Variants in MAPKAPK5 observed in about 807,000 individuals in gnomAD.
MAPKAPK5 encodes MAPK activated protein kinase 5, also known as MAP kinase-activated protein kinase 5.
MAPKAPK5 carries 30 observed loss-of-function variants against 65.1 expected under a neutral mutation model. The ratio of observed to expected loss-of-function variants is 0.46; its 90% CI spans 0.34 to 0.63. The LOEUF is 0.63. Ranked by LOEUF, MAPKAPK5 falls within the 20% of genes least tolerant of loss-of-function variation. The pLI is 0.01. For synonymous variants in MAPKAPK5, 179 were observed against 204.6 expected, an observed-to-expected ratio of 0.87 and a Z score of 1.07; for missense variants, 433 against 581.4, an observed-to-expected ratio of 0.74 and a Z score of 2.63.
intron 7 of MAPKAPK5, 124 bp from the exon 8 acceptor site, chr12:111,880,323 G>GT (rs1280710415): frequency 6.2e-5 from 48 of 774,968 alleles, no homozygotes; most frequent in Non-Finnish European, 7.7e-5. Flanking sequence ...TTTATGTGGA[G>GT]TTTTTTTTCG....
At chr12:111,855,686 G>C in intron 1 of MAPKAPK5, among the ~76,000 whole-genome samples, 1 of 151,808 alleles carries the variant, frequency 6.6e-6, no homozygotes, top group Admixed American at 6.6e-5. Context: ...AATTAGCTGG[G>C]CATGGTGGTG....
chr12:111,884,769 A>G (rs2070349995), intron 9 of MAPKAPK5, among the ~76,000 whole-genome samples: 1 of 152,038 alleles, frequency 6.6e-6, no homozygotes. Flanking sequence ...TTCCTCTATA[A>G]TGGGATGAAG....
chr12:111,870,459 T>C, intron 6 of MAPKAPK5, 99 bp downstream of exon 6: 1 of 888,876 alleles, frequency 1.1e-6, no homozygotes, highest in Admixed American at 2.4e-5. Flanking sequence ...GAAAAAGCTT[T>C]AAGCCAAAGT....
At position 111,871,231 on chromosome 12, in the gene MAPKAPK5, A is replaced by G. The variant is rs2069772383; in HGVS notation, c.579+51A>G. On this transcript the variant is annotated intron_variant, in intron 7 of 13. Transcript: ENST00000550735. ...AGATCTGTCACCAAGCTGCCCATCA[A>G]CTCGTGTTCCTTCTATTCTACAGCA... The G allele has an allele frequency of 2.7e-6, 4 of 1,467,116 alleles. No homozygotes were observed. The South Asian group carries it at 4.7e-5, about 17-fold the overall frequency. 90.9% of individuals were successfully genotyped at this position (1,467,116 alleles called of 1,614,324 possible).
chr12:111,883,385 A>G lies in MAPKAPK5; in HGVS notation c.661-196A>G, dbSNP rs181359698. Among the ~76,000 whole-genome samples the G allele has an allele frequency of 4.6e-5, 7 of 152,166 alleles. No homozygotes were observed. In the East Asian group the frequency reaches 1.2e-3, roughly 25 times the overall value. On this transcript the variant is annotated intron_variant, in intron 8 of 13. Coordinates refer to ENST00000550735, the MANE Select transcript of MAPKAPK5 (RefSeq NM_003668.4). The surrounding 1 kb of genome is among the most constrained non-coding windows in gnomAD (Gnocchi z 4.8). ...ACAGAGCAAGACTCTGTCTCAAAGA[A>G]AAAAAAAGAAAGAAAGAAAATATGG...
chr12:111,846,625 A>G (rs1466286984), intron 1 of MAPKAPK5, among the ~76,000 whole-genome samples: 1 of 151,312 alleles, frequency 6.6e-6, no homozygotes, highest in Non-Finnish European at 1.5e-5. Context: ...CCTCCCGAGT[A>G]GTAGCTGGGA....
chr12:111,863,420 G>A (rs1162515243), intron 1 of MAPKAPK5, among the ~76,000 whole-genome samples: 1 of 152,088 alleles, frequency 6.6e-6, no homozygotes, highest in Non-Finnish European at 1.5e-5. Flanking sequence ...TTCCAAGCCT[G>A]GCACATTCAC....
chr12:111,878,881 A>G (rs996339095), intron 7 of MAPKAPK5, among the ~76,000 whole-genome samples: 16 of 152,302 alleles, frequency 1.1e-4, no homozygotes, highest in East Asian at 5.8e-4. Flanking sequence ...CTCTTTATCT[A>G]TCTTTACCCC....
intron 3 of MAPKAPK5, 90 bp from the exon 4 acceptor site, chr12:111,867,482 G>A (rs888844666): frequency 4.9e-6 from 4 of 824,330 alleles, no homozygotes; most frequent in African/African-American, 3.4e-5. Flanking sequence ...AGTTTTTATT[G>A]TAATTAGCTT....
rs755557139 is a variant in MAPKAPK5, at chr12:111,888,891, G to A, written c.1107G>A (p.Lys369=). 1.9e-6 allele frequency: 3 copies of A among 1,613,802 alleles called. No individual in the cohort carries two copies. Among genetic ancestry groups the A allele is most frequent in the Non-Finnish European group, 2.5e-6 (3 of 1,179,822 alleles). ...ILRKRKLLGT[K]PKDSVYIHDH... ...CTCCCTCAAACTCTTAAAGCACCAA[G>A]CCAAAGGACAGTGTCTATATCCACG... is the stretch of plus-strand genomic sequence containing the variant. The change falls in exon 12 of 14, where the codon AAG becomes AAA. Residue 369 remains lysine, a synonymous_variant. Transcript: ENST00000550735.
At position 111,900,913 on chromosome 12, in the gene MAPKAPK5, C is replaced by G; in HGVS notation, c.*7852C>G. ...CAATTATATGGATATGGTGCAAAATCAGCCTCACAAGAGTGTTACAATTCA... is the reference window on the plus strand; with the variant it reads ...CAATTATATGGATATGGTGCAAAATGAGCCTCACAAGAGTGTTACAATTCA... On this transcript the variant is annotated 3_prime_UTR_variant, in exon 14 of 14. Coordinates refer to ENST00000550735, the MANE Select transcript of MAPKAPK5 (RefSeq NM_003668.4). 1 of 452,938 alleles carries G rather than the reference C, an allele frequency of 2.2e-6. No homozygotes were observed. Among genetic ancestry groups the G allele is most frequent in the South Asian group, 1.6e-5 (1 of 64,444 alleles). The allele number at this position is 452,938 out of a possible 1,614,324, so 28.1% of individuals were successfully genotyped here. A position where few individuals can be genotyped will look rare whatever the true frequency, so the allele number is the denominator to read the frequency against.
At chr12:111,856,780 T>G (rs189889760) in intron 1 of MAPKAPK5, among the ~76,000 whole-genome samples, 86 of 152,274 alleles carry the variant, frequency 5.6e-4, no homozygotes, top group African/African-American at 1.9e-3. Context: ...AAATACAGTG[T>G]TGTAGTTATT....
intron 8 of MAPKAPK5, 126 bp downstream of exon 8, chr12:111,880,653 C>T (rs192189379): frequency 4.1e-6 from 3 of 740,660 alleles, no homozygotes; most frequent in Admixed American, 4.6e-5. Context: ...CCCAAAGAAG[C>T]AGCCAGACTC....
intron 6 of MAPKAPK5, among the ~76,000 whole-genome samples, chr12:111,870,579 G>T (rs192844846): frequency 6.6e-6 from 1 of 152,234 alleles, no homozygotes; most frequent in Non-Finnish European, 1.5e-5. Flanking sequence ...ATGTATTTGT[G>T]GGACTTAATG....
chr12:111,892,111 A>T (rs1199651054), intron 13 of MAPKAPK5, among the ~76,000 whole-genome samples: 1 of 152,128 alleles, frequency 6.6e-6, no homozygotes, highest in African/African-American at 2.4e-5. Flanking sequence ...TTTAGTCATT[A>T]TATTTGTGAC....
intron 12 of MAPKAPK5, chr12:111,889,684 G>T (rs1009790809): frequency 4.7e-6 from 1 of 213,548 alleles, no homozygotes; most frequent in South Asian, 8.5e-5. Flanking sequence ...GCTTTCTAAA[G>T]TAAGAAATGA....
rs1449208573 is a variant in MAPKAPK5, at chr12:111,900,796, C to T, written c.*7735C>T. The T allele has an allele frequency of 4.4e-6, 2 of 456,068 alleles. No individual in the cohort carries two copies. The highest frequency in any genetic ancestry group is 8.8e-6 in the Non-Finnish European group (2 of 226,814). The allele number at this position is 456,068 out of a possible 1,614,324, so 28.3% of individuals were successfully genotyped here. On this transcript the variant is annotated 3_prime_UTR_variant, in exon 14 of 14. Transcript: ENST00000550735. ...TGCAATGGTACATCTGCATTATGCC[C>T]CAACAACAGGCATAAGCAAGATGGC... is the stretch of plus-strand genomic sequence containing the variant.
intron 1 of MAPKAPK5, among the ~76,000 whole-genome samples, chr12:111,853,659 T>C (rs2069153642): frequency 6.6e-6 from 1 of 152,056 alleles, no homozygotes; most frequent in Non-Finnish European, 1.5e-5. Context: ...CTCAGCCTCC[T>C]GAGTAGCTGG....
intron 7 of MAPKAPK5, among the ~76,000 whole-genome samples, chr12:111,874,121 G>A (rs888276365): frequency 1.3e-5 from 2 of 152,294 alleles, no homozygotes; most frequent in East Asian, 3.9e-4. Flanking sequence ...TCAGCTGGGC[G>A]TGGTGGTTCA....
Sources: gnomAD v4.1 joint callset for allele counts (sites outside exome capture counted in the v4.1 genomes callset) on GRCh38, gnomAD v4.1.1 for gene constraint, Gnocchi (gnomAD v3.1) non-coding constraint, MANE v1.5 for transcripts, NCBI Gene and HGNC (gene_info 2026-07-23, HGNC 2026-07-21) for gene names.